Variants in OTUD7A observed in about 807,000 individuals in gnomAD.
OTUD7A encodes OTU domain-containing protein 7A.
OTUD7A carries 12 observed loss-of-function variants against 65.7 expected under a neutral mutation model. The observed-to-expected ratio is 0.18, with a 90% confidence interval of 0.12 to 0.30. The LOEUF is 0.30. Ranked by LOEUF, OTUD7A falls within the 10% of genes least tolerant of loss-of-function variation. The pLI is 1.00. For synonymous variants in OTUD7A, 641 were observed against 586.3 expected (o/e 1.09, Z -1.35); for missense variants, 1,148 against 1,304.8 (o/e 0.88, Z 1.85).
At chr15:31,859,805 G>A (rs1192441430) in intron 1 of OTUD7A, among the ~76,000 whole-genome samples, 4 of 152,134 alleles carry the variant, frequency 2.6e-5, no homozygotes, top group African/African-American at 7.2e-5. Context: ...TACCCCTATC[G>A]TTTCAATAGG....
At position 31,484,042 on chromosome 15, in the gene OTUD7A, G is replaced by A. The variant is rs1480333218; in HGVS notation, c.2054C>T (p.Thr685Ile). Reference protein sequence around the residue: ...EQEQRRRDAATAAAAAAAAAA... With the variant: ...EQEQRRRDAAIAAAAAAAAAA... ...GGCGGCGGCGGCAGCGGCGGCCGCA[G>A]TAGCGGCGTCGCGGCGCCGCTGCTC... Residue 685 changes from threonine (T) to isoleucine (I), a missense_variant, in exon 13 of 13, where the codon ACT (threonine) becomes ATT (isoleucine). Physicochemically the swap from Thr to Ile is moderately conservative, Grantham distance 89. Transcript: ENST00000307050. The surrounding 1 kb of genome is among the most constrained non-coding windows in gnomAD (Gnocchi z 4.5). The A allele has an allele frequency of 3.8e-6, 5 of 1,318,648 alleles. No individual in the cohort carries two copies. The African/African-American group carries it at 6.1e-5, about 16-fold the overall frequency. The allele number at this position is 1,318,648 out of a possible 1,614,324, so 81.7% of individuals were successfully genotyped here.
intron 3 of OTUD7A, among the ~76,000 whole-genome samples, chr15:31,594,576 G>C (rs968138095): frequency 6.6e-6 from 1 of 152,216 alleles, no homozygotes; most frequent in Middle Eastern, 3.2e-3. Flanking sequence ...CACAGTTAGA[G>C]AGCTGGCGTG....
rs55911531 is a variant in OTUD7A at position 31,808,098 on chromosome 15, A to AACACACACACACAC, written c.-100+62395_-100+62408dup. Among the ~76,000 whole-genome samples the AACACACACACACAC allele has an allele frequency of 1.4e-3, 132 of 95,866 alleles. 1 individual carries two copies. The highest frequency in any genetic ancestry group is 3.6e-3 in the South Asian group (11 of 3,074). The allele number at this position is 95,866 out of a possible 152,430, so 62.9% of individuals were successfully genotyped here. On this transcript the variant is annotated intron_variant, in intron 1 of 12. Transcript: ENST00000307050. ...TATATAATTGAGCTAACAAATGCCA[A>AACACACACACACAC]ACACACACACACACACACACACACA...
At chr15:31,629,137 G>C (rs928133015) in intron 3 of OTUD7A, among the ~76,000 whole-genome samples, 1 of 152,080 alleles carries the variant, frequency 6.6e-6, no homozygotes, top group African/African-American at 2.4e-5. Flanking sequence ...ATGTTGAATC[G>C]GAGTGGTGAG....
At chr15:31,649,175 A>C (rs1315395141) in intron 3 of OTUD7A, among the ~76,000 whole-genome samples, 1 of 152,182 alleles carries the variant, frequency 6.6e-6, no homozygotes, top group Non-Finnish European at 1.5e-5. Flanking sequence ...ACTTTCTCTT[A>C]CTGCAGTCTT....
chr15:31,628,267 G>A lies in OTUD7A; in HGVS notation c.151+26829C>T, dbSNP rs1891027611. Among the ~76,000 whole-genome samples the A allele has an allele frequency of 2.6e-5, 4 of 152,274 alleles. No individual in the cohort carries two copies. The South Asian group carries it at 6.2e-4, about 24-fold the overall frequency. ...TTTAGTCTATCTTGAATTAATTTTT[G>A]TAAAGGGTGTAAAGAAGGGATCCAG... is the stretch of plus-strand genomic sequence containing the variant. On this transcript the variant is annotated intron_variant, in intron 3 of 12. Transcript: ENST00000307050.
At chr15:31,613,630 T>TA (rs888256188) in intron 3 of OTUD7A, among the ~76,000 whole-genome samples, 6 of 152,024 alleles carry the variant, frequency 3.9e-5, no homozygotes, top group African/African-American at 9.7e-5. Context: ...ATGGCCATAA[T>TA]AAAAAAATCA....
At chr15:31,858,335 C>A (rs1453221739) in intron 1 of OTUD7A, among the ~76,000 whole-genome samples, 2 of 152,150 alleles carry the variant, frequency 1.3e-5, no homozygotes, top group Non-Finnish European at 1.5e-5. Context: ...AGGTCCAATG[C>A]CTCTTGCTGT....
At chr15:31,530,879 G>T in intron 5 of OTUD7A, 71 bp from the exon 6 acceptor site, 2 of 1,256,172 alleles carry the variant, frequency 1.6e-6, no homozygotes, top group Non-Finnish European at 2.3e-6. Context: ...TTGCTAAGGA[G>T]GCATAAACAT....
At position 31,483,486 on chromosome 15, in the gene OTUD7A, C is replaced by A; in HGVS notation, c.2610G>T (p.Glu870Asp). 4 of 1,399,656 alleles carry A rather than the reference C, an allele frequency of 2.9e-6. No individual in the cohort carries two copies. The South Asian group carries it at 5.5e-5, about 19-fold the overall frequency. The allele number at this position is 1,399,656 out of a possible 1,614,324, so 86.7% of individuals were successfully genotyped here. ...NGFGALRDGL[E>D]FADADAPTAR... The stretch of plus-strand genomic sequence containing the variant: ...CGGTCGGCGCGTCGGCGTCGGCGAA[C>A]TCCAGGCCGTCGCGCAGGGCGCCGA... The change falls in exon 13 of 13, where the codon GAG becomes GAT. Residue 870 changes from glutamate to aspartate, a missense_variant. This residue lies in a region of OTUD7A where 842 missense variants were observed against 769.5 expected (regional missense o/e 1.09). Transcript: ENST00000307050.
At chr15:31,802,399 G>A (rs1478165852) in intron 1 of OTUD7A, among the ~76,000 whole-genome samples, 1 of 152,044 alleles carries the variant, frequency 6.6e-6, no homozygotes, top group Non-Finnish European at 1.5e-5. Flanking sequence ...TGATTAGATT[G>A]TGCCCACCCA....
At chr15:31,607,020 C>A (rs1406249535) in intron 3 of OTUD7A, among the ~76,000 whole-genome samples, 2 of 152,074 alleles carry the variant, frequency 1.3e-5, no homozygotes, top group Admixed American at 6.6e-5. Context: ...AATACTGACA[C>A]TGGAATAACT....
chr15:31,638,378 C>CT (rs34239466), intron 3 of OTUD7A, among the ~76,000 whole-genome samples: 41,728 of 134,482 alleles, frequency 0.31, 7,061 homozygotes, highest in East Asian at 0.66. Flanking sequence ...ATAAAGATAA[C>CT]TTTTTTTTTT....
chr15:31,532,798 G>A (rs1264330750), intron 5 of OTUD7A, among the ~76,000 whole-genome samples: 1 of 151,944 alleles, frequency 6.6e-6, no homozygotes, highest in Admixed American at 6.6e-5. Context: ...GCTGGGCGTG[G>A]TGGCGGGCGC....
At chr15:31,750,895 C>A (rs984084527) in intron 1 of OTUD7A, among the ~76,000 whole-genome samples, 2 of 152,186 alleles carry the variant, frequency 1.3e-5, no homozygotes, top group East Asian at 1.9e-4. Context: ...TGAAACTGGA[C>A]CCCTCCCTAT....
Position 31,510,926 on chromosome 15 carries a change from CAT to C in OTUD7A, c.894-7110_894-7109del, listed in dbSNP as rs373314778. Among the ~76,000 whole-genome samples, 17 of 11,406 alleles carry C rather than the reference CAT, an allele frequency of 1.5e-3. 3 individuals are homozygous for C. The highest frequency in any genetic ancestry group is 0.013 in the African/African-American group (12 of 890). 7.5% of individuals were successfully genotyped at this position (11,406 alleles called of 152,430 possible). A position where few individuals can be genotyped will look rare whatever the true frequency, so the allele number is the denominator to read the frequency against. ...AACATATATGTATATCTATATGTAA[CAT>C]ATATGTATATCTATATGTAACATAT... On this transcript the variant is annotated intron_variant, in intron 8 of 12. Transcript: ENST00000307050.
chr15:31,858,671 C>T (rs1007697348), intron 1 of OTUD7A, among the ~76,000 whole-genome samples: 2 of 152,208 alleles, frequency 1.3e-5, no homozygotes, highest in African/African-American at 2.4e-5. Flanking sequence ...ACAAGAACAA[C>T]GGCCAGGTTC....
At chr15:31,743,096 A>G (rs931516679) in intron 1 of OTUD7A, among the ~76,000 whole-genome samples, 2 of 152,140 alleles carry the variant, frequency 1.3e-5, no homozygotes, top group Admixed American at 1.3e-4. Flanking sequence ...TCATCAACAA[A>G]TATAACCTAA....
At chr15:31,501,933 G>A (rs538692724) in intron 9 of OTUD7A, 94 bp from the exon 10 acceptor site, 124 of 1,382,514 alleles carry the variant, frequency 9.0e-5, no homozygotes, top group Non-Finnish European at 1.1e-4. Flanking sequence ...ACCCCGGGGG[G>A]ACTCCGTGGA....
Sources: allele counts gnomAD v4.1 joint callset (sites outside exome capture counted in the v4.1 genomes callset), GRCh38; gene constraint gnomAD v4.1.1; regional missense constraint gnomAD v4.1.1; non-coding constraint Gnocchi (gnomAD v3.1); transcripts MANE v1.5; gene names NCBI Gene and HGNC (gene_info 2026-07-23, HGNC 2026-07-21).